ABCB5: variants seen among roughly 807,000 people sequenced by gnomAD.
ABCB5 encodes the protein ATP-binding cassette sub-family B member 5.
ABCB5 carries 155 observed loss-of-function variants against 144.2 expected under a neutral mutation model. The ratio of observed to expected loss-of-function variants is 1.08; its 90% CI spans 0.94 to 1.23. The LOEUF is 1.23. Ranked by LOEUF, ABCB5 falls within the 50% of genes most tolerant of loss-of-function variation. ABCB5 has a pLI of 0.00. For missense variants in ABCB5, 1,830 were observed against 1,520.8 expected (o/e 1.20, Z -3.38); for synonymous variants, 610 against 528.6 (o/e 1.15, Z -2.11).
rs773083608 is a variant in ABCB5, at chr7:20,755,653, T to G, written c.*29T>G. 19 of 1,604,312 alleles carry G rather than the reference T, an allele frequency of 1.2e-5. No individual in the cohort carries two copies. Among genetic ancestry groups the G allele is most frequent in the South Asian group, 4.4e-5 (4 of 90,686 alleles). ...TGTTGAGGTAGCACATATTTTGATGTTCGTGTAATGCAAAGAAGGAGTACT... is the reference window on the plus strand; with the variant it reads ...TGTTGAGGTAGCACATATTTTGATGGTCGTGTAATGCAAAGAAGGAGTACT... On this transcript the variant is annotated 3_prime_UTR_variant, in exon 28 of 28. Transcript: ENST00000404938.
chr7:20,702,617 A>C (rs992915414), intron 19 of ABCB5, among the ~76,000 whole-genome samples: 5 of 151,010 alleles, frequency 3.3e-5, no homozygotes, highest in Admixed American at 2.6e-4. Context: ...AAAAATATCC[A>C]TTGAGGCTAA....
At chr7:20,727,746 C>T (rs1782082084) in intron 22 of ABCB5, among the ~76,000 whole-genome samples, 1 of 152,280 alleles carries the variant, frequency 6.6e-6, no homozygotes, top group South Asian at 2.1e-4. Context: ...GAGCTCGGCC[C>T]TTTACATTAA....
intron 14 of ABCB5, among the ~76,000 whole-genome samples, chr7:20,678,232 C>T (rs1028290002): frequency 1.3e-5 from 2 of 152,166 alleles, no homozygotes; most frequent in African/African-American, 2.4e-5. Context: ...TTATATCATA[C>T]ATCTTTTCCA....
At chr7:20,692,675 T>C (rs1283822499) in intron 16 of ABCB5, among the ~76,000 whole-genome samples, 2 of 152,068 alleles carry the variant, frequency 1.3e-5, no homozygotes, top group African/African-American at 4.8e-5. Flanking sequence ...TTATGGGTTT[T>C]TTTAAGACAA....
At chr7:20,721,879 C>T (rs756233128) in intron 20 of ABCB5, among the ~76,000 whole-genome samples, 3 of 152,024 alleles carry the variant, frequency 2.0e-5, no homozygotes, top group South Asian at 2.1e-4. Flanking sequence ...TTTTACTCTC[C>T]GTGAAATAGA....
At position 20,720,268 on chromosome 7, in the gene ABCB5, A is replaced by G. The variant is rs78938560; in HGVS notation, c.2422-2748A>G. 3.9e-3 allele frequency among the ~76,000 whole-genome samples: 597 copies of G among 152,376 alleles called. 5 individuals carry two copies. The highest frequency in any genetic ancestry group is 0.014 in the African/African-American group (575 of 41,580). On this transcript the variant is annotated intron_variant, in intron 20 of 27. Transcript: ENST00000404938. ...AAATAAATGATTATAGTAACAGGTTATAAACAACTGAAGAAATTTAAAAGT... is the reference window on the plus strand; with the variant it reads ...AAATAAATGATTATAGTAACAGGTTGTAAACAACTGAAGAAATTTAAAAGT...
chr7:20,670,575 T>A (rs1177870463), intron 14 of ABCB5, among the ~76,000 whole-genome samples: 3 of 152,136 alleles, frequency 2.0e-5, no homozygotes, highest in Non-Finnish European at 4.4e-5. Flanking sequence ...AAGCGAGGCT[T>A]AGAATTACCA....
rs1381722217 is a variant in ABCB5, at chr7:20,685,726, T to C, written c.1900T>C (p.Ser634Pro). Residue 634 changes from serine (S) to proline (P), a missense_variant, in exon 16 of 28, where the codon TCA (serine) becomes CCA (proline). By Grantham distance (74) the Ser-to-Pro change is moderately conservative. Transcript: ENST00000404938. The part of the protein sequence containing the change: ...DIKKADEQME[S>P]MTYSTERKTN... ...TAAAAAAGCTGATGAACAGATGGAG[T>C]CAATGACATATTCTACTGAAAGAAA... 2 of 1,611,976 alleles carry C rather than the reference T, an allele frequency of 1.2e-6. No homozygotes were observed. The highest frequency in any genetic ancestry group is 1.7e-6 in the Non-Finnish European group (2 of 1,178,710).
chr7:20,685,621 A>G, intron 15 of ABCB5, 75 bp from the exon 16 acceptor site: 1 of 1,343,212 alleles, frequency 7.4e-7, no homozygotes, highest in Non-Finnish European at 1.0e-6. Flanking sequence ...TAACAGCTTT[A>G]AAGAGATGCT....
intron 14 of ABCB5, among the ~76,000 whole-genome samples, chr7:20,663,550 G>A (rs553306562): frequency 2.6e-5 from 4 of 152,238 alleles, no homozygotes; most frequent in African/African-American, 9.6e-5. Flanking sequence ...ATTCAGAGAT[G>A]GAAAGTAGAA....
rs557336079 is a variant in ABCB5 at position 20,704,174 on chromosome 7, C to T, written c.2338-550C>T. ...CACTGAAACCTCTGCCTCCCAGGCT[C>T]AAGCAATCCTCCCCACCTCAGCCTC... On this transcript the variant is annotated intron_variant, in intron 19 of 27. Transcript: ENST00000404938. Among the ~76,000 whole-genome samples the T allele has an allele frequency of 8.2e-5, 12 of 146,920 alleles. No homozygotes were observed. The South Asian group carries it at 2.6e-3, about 32-fold the overall frequency.
Position 20,745,422 on chromosome 7 carries a change from T to C in ABCB5, c.3413T>C (p.Ile1138Thr), listed in dbSNP as rs371069201. The C allele has an allele frequency of 1.1e-5, 17 of 1,614,062 alleles. No individual in the cohort carries two copies. The African/African-American group carries it at 2.0e-4, about 19-fold the overall frequency. The change falls in exon 26 of 28, where the codon ATT (isoleucine) becomes ACT (threonine). Residue 1138 changes from isoleucine (I) to threonine (T), a missense_variant. Coordinates refer to ENST00000404938, the MANE Select transcript of ABCB5 (RefSeq NM_001163941.2). ...AATGCAGCAAATATCCATTCTTTTA[T>C]TGAAGGTCTCCCTGAGGTAAGAAAA... is the stretch of plus-strand genomic sequence containing the variant. ...AANAANIHSF[I>T]EGLPEKYNTQ... is the part of the protein sequence containing the mutation.
chr7:20,738,506 C>A (rs187217383), intron 23 of ABCB5, among the ~76,000 whole-genome samples: 55 of 152,264 alleles, frequency 3.6e-4, no homozygotes, highest in African/African-American at 1.3e-3. Flanking sequence ...AATAATGTAG[C>A]ATATCAGACA....
intron 9 of ABCB5, chr7:20,647,286 C>A: frequency 8.1e-7 from 1 of 1,232,766 alleles, no homozygotes; most frequent in East Asian, 3.9e-5. Context: ...ATGAGATAAT[C>A]AAAAGTTGTT....
intron 14 of ABCB5, among the ~76,000 whole-genome samples, chr7:20,663,792 T>G (rs1456496022): frequency 1.3e-5 from 2 of 148,212 alleles, no homozygotes; most frequent in African/African-American, 5.0e-5. Context: ...CTCAGCTCAC[T>G]GCAACCTCCG....
At chr7:20,619,107 C>A (rs771844871) in intron 1 of ABCB5, among the ~76,000 whole-genome samples, 11 of 152,074 alleles carry the variant, frequency 7.2e-5, no homozygotes, top group Non-Finnish European at 1.5e-4. Flanking sequence ...AATTCACCAT[C>A]GAAGGCACCC....
intron 20 of ABCB5, among the ~76,000 whole-genome samples, chr7:20,706,768 T>C (rs565689078): frequency 1.3e-5 from 2 of 152,212 alleles, no homozygotes; most frequent in East Asian, 1.9e-4. Flanking sequence ...GGCTGATCAG[T>C]AGTGGGATAG....
chr7:20,754,634 C>G (rs1304672347), intron 27 of ABCB5, among the ~76,000 whole-genome samples: 1 of 152,058 alleles, frequency 6.6e-6, no homozygotes, highest in African/African-American at 2.4e-5. Context: ...ACAGCTAAAT[C>G]CTACCAAAAA....
intron 23 of ABCB5, among the ~76,000 whole-genome samples, chr7:20,735,798 C>T (rs935757334): frequency 2.6e-5 from 4 of 152,334 alleles, no homozygotes; most frequent in Admixed American, 6.5e-5. Context: ...AGGCAGCTCA[C>T]GTTCCAACCC....
Sources: gnomAD v4.1 joint callset for allele counts (sites outside exome capture counted in the v4.1 genomes callset) on GRCh38, gnomAD v4.1.1 for gene constraint, MANE v1.5 for transcripts, NCBI Gene and HGNC (gene_info 2026-07-23, HGNC 2026-07-21) for gene names.